Variants in LRP1B observed in about 807,000 individuals in gnomAD.
LRP1B encodes low-density lipoprotein receptor-related protein 1B.
A neutral mutation model predicts 556.6 loss-of-function variants in LRP1B; 217 were observed. The ratio of observed to expected loss-of-function variants is 0.39; its 90% CI spans 0.35 to 0.44. The LOEUF (loss-of-function observed/expected upper bound fraction) is 0.44. Among genes scored for constraint, LRP1B ranks in the 20% least tolerant of loss-of-function variants. The probability of loss-of-function intolerance (pLI) is 1.00; values close to 1 mark genes in which losing one functional copy is unlikely to be tolerated. For synonymous variants in LRP1B, 2,047 were observed against 1,865.8 expected (o/e 1.10, Z -2.50); for missense variants, 5,053 against 5,620.8 (o/e 0.90, Z 3.23).
chr2:141,894,451 A>G (rs1029053046), intron 1 of LRP1B, among the ~76,000 whole-genome samples: 1 of 151,814 alleles, frequency 6.6e-6, no homozygotes, highest in Non-Finnish European at 1.5e-5. Flanking sequence ...AGGGCTTTTC[A>G]AATAAATATT....
At chr2:140,831,859 A>G (rs989559266) in intron 31 of LRP1B, among the ~76,000 whole-genome samples, 2 of 152,296 alleles carry the variant, frequency 1.3e-5, no homozygotes, top group South Asian at 4.1e-4. Context: ...TGGGCAAAAG[A>G]TCTGAGTAGG....
At chr2:140,240,476 A>C (rs1680901943) in intron 87 of LRP1B, among the ~76,000 whole-genome samples, 1 of 150,836 alleles carries the variant, frequency 6.6e-6, no homozygotes, top group Non-Finnish European at 1.5e-5. Context: ...GAGTAGGCAG[A>C]CAATAATAGC....
intron 1 of LRP1B, among the ~76,000 whole-genome samples, chr2:141,914,953 T>C (rs549936795): frequency 6.6e-6 from 1 of 152,278 alleles, no homozygotes; most frequent in Non-Finnish European, 1.5e-5. Context: ...TCAATATTAT[T>C]TCTGTCAAAC....
intron 43 of LRP1B, among the ~76,000 whole-genome samples, chr2:140,542,717 C>T (rs1680182879): frequency 6.6e-6 from 1 of 152,072 alleles, no homozygotes; most frequent in African/African-American, 2.4e-5. Context: ...CAGAGAACTC[C>T]ATGAATAAAA....
intron 47 of LRP1B, among the ~76,000 whole-genome samples, chr2:140,526,798 T>C (rs1044931673): frequency 1.3e-5 from 2 of 151,680 alleles, no homozygotes; most frequent in African/African-American, 4.8e-5. Flanking sequence ...AAATGCCTAC[T>C]GGGAAATCCC....
chr2:142,021,371 C>G (rs1167329802), intron 1 of LRP1B, among the ~76,000 whole-genome samples: 1 of 151,984 alleles, frequency 6.6e-6, no homozygotes, highest in African/African-American at 2.4e-5. Context: ...AACAATATTA[C>G]TTGACTTTGT....
intron 2 of LRP1B, among the ~76,000 whole-genome samples, chr2:141,765,128 G>A (rs1006077761): frequency 1.4e-5 from 2 of 144,530 alleles, no homozygotes; most frequent in African/African-American, 2.5e-5. Context: ...GAAAGAATTC[G>A]CAAGTAGGTT....
chr2:141,075,441 A>G (rs140782676), intron 7 of LRP1B, among the ~76,000 whole-genome samples: 2 of 152,326 alleles, frequency 1.3e-5, no homozygotes, highest in Non-Finnish European at 2.9e-5. Context: ...TCCATTTAAT[A>G]CAAAGAATGG....
chr2:141,517,029 A>AAAAAAAAAAC lies in LRP1B; in HGVS notation c.206-36497_206-36496insGTTTTTTTTT, dbSNP rs772472942. Among the ~76,000 whole-genome samples, 12 of 90,174 alleles carry AAAAAAAAAAC rather than the reference A, an allele frequency of 1.3e-4. 3 individuals carry two copies. Among genetic ancestry groups the AAAAAAAAAAC allele is most frequent in the Admixed American group, 6.5e-4 (4 of 6,194 alleles). 59.2% of individuals were successfully genotyped at this position (90,174 alleles called of 152,430 possible). A position where few individuals can be genotyped will look rare whatever the true frequency, so the allele number is the denominator to read the frequency against. On this transcript the variant is annotated intron_variant, in intron 2 of 90. Transcript: ENST00000389484. The stretch of plus-strand genomic sequence containing the variant: ...TAAAAAAAAAAAAAAAAAAAAAAAA[A>AAAAAAAAAAC]AAAGTAAATCAATGAAATAATTTAA...
chr2:141,111,314 GA>G (rs1289932451), intron 7 of LRP1B, among the ~76,000 whole-genome samples: 3 of 151,746 alleles, frequency 2.0e-5, no homozygotes, highest in Non-Finnish European at 2.9e-5. Flanking sequence ...CAAGACAGAG[GA>G]AAGCTGAAAA....
At chr2:141,327,589 A>G (rs1250016810) in intron 3 of LRP1B, among the ~76,000 whole-genome samples, 2 of 152,138 alleles carry the variant, frequency 1.3e-5, no homozygotes, top group South Asian at 2.1e-4. Flanking sequence ...CCACCAAGTT[A>G]TTTCTCCATA....
At position 140,597,132 on chromosome 2, in the gene LRP1B, G is replaced by A. The variant is rs146287933; in HGVS notation, c.7194+1499C>T. Among the ~76,000 whole-genome samples the A allele has an allele frequency of 3.5e-3, 534 of 152,202 alleles. 3 individuals carry two copies. Among genetic ancestry groups the A allele is most frequent in the Middle Eastern group, 0.014 (4 of 294 alleles). On this transcript the variant is annotated intron_variant, in intron 43 of 90. Coordinates refer to ENST00000389484, the MANE Select transcript of LRP1B (RefSeq NM_018557.3). ...AGGATAAAGATGAGGTAATCTAGATGCATGTAAGAATGCAGTAAACTTTGA... is the reference window on the plus strand; with the variant it reads ...AGGATAAAGATGAGGTAATCTAGATACATGTAAGAATGCAGTAAACTTTGA...
intron 3 of LRP1B, among the ~76,000 whole-genome samples, chr2:141,267,246 G>A (rs1054635325): frequency 1.3e-5 from 2 of 152,120 alleles, no homozygotes; most frequent in African/African-American, 4.8e-5. Context: ...AGACCCTAAA[G>A]TAAAAGATAT....
At chr2:141,128,248 C>A (rs370976188) in intron 7 of LRP1B, among the ~76,000 whole-genome samples, 2 of 152,072 alleles carry the variant, frequency 1.3e-5, no homozygotes, top group Non-Finnish European at 2.9e-5. Flanking sequence ...AATTAATTTA[C>A]GGAAGTTTCA....
chr2:141,139,501 C>T (rs1004182441), intron 7 of LRP1B, among the ~76,000 whole-genome samples: 2 of 149,834 alleles, frequency 1.3e-5, no homozygotes, highest in African/African-American at 4.9e-5. Flanking sequence ...CAAAACCCTC[C>T]AATAAGAAAA....
intron 43 of LRP1B, among the ~76,000 whole-genome samples, chr2:140,561,231 A>G (rs896437553): frequency 3.9e-5 from 6 of 152,152 alleles, no homozygotes; most frequent in African/African-American, 1.4e-4. Context: ...GAAATTTTCT[A>G]TCCTACCCTT....
At chr2:141,961,146 G>C (rs1019337349) in intron 1 of LRP1B, among the ~76,000 whole-genome samples, 1 of 151,576 alleles carries the variant, frequency 6.6e-6, no homozygotes, top group East Asian at 2.0e-4. Context: ...CCAACCGAGA[G>C]GTAATTTGGC....
rs36082249 is a variant in LRP1B at position 140,645,533 on chromosome 2, CTT to C, written c.6800-43896_6800-43895del. Reference sequence around the variant, plus strand: ...TCTATACTAACCCTTTGCCAATATTCTTTTTTTTTTTTTTTTTTTTTTTTGAG... The same window carrying C: ...TCTATACTAACCCTTTGCCAATATTCTTTTTTTTTTTTTTTTTTTTTTGAG... On this transcript the variant is annotated intron_variant, in intron 41 of 90. Coordinates refer to ENST00000389484, the MANE Select transcript of LRP1B (RefSeq NM_018557.3). 9.8e-3 allele frequency among the ~76,000 whole-genome samples: 794 copies of C among 81,118 alleles called. 3 individuals are homozygous for C. Among genetic ancestry groups the C allele is most frequent in the African/African-American group, 0.041 (738 of 17,930 alleles). The allele number at this position is 81,118 out of a possible 152,430, so 53.2% of individuals were successfully genotyped here. A position where few individuals can be genotyped will look rare whatever the true frequency, so the allele number is the denominator to read the frequency against.
intron 3 of LRP1B, among the ~76,000 whole-genome samples, chr2:141,423,222 A>G (rs546807758): frequency 2.0e-5 from 3 of 150,944 alleles, no homozygotes; most frequent in Admixed American, 2.0e-4. Context: ...GCTGATGTAC[A>G]TGACTATACT....
Sources: gnomAD v4.1 joint callset for allele counts (sites outside exome capture counted in the v4.1 genomes callset) on GRCh38, gnomAD v4.1.1 for gene constraint, MANE v1.5 for transcripts, NCBI Gene and HGNC (gene_info 2026-07-23, HGNC 2026-07-21) for gene names.